VWF: variants seen among roughly 807,000 people sequenced by gnomAD.
VWF encodes Factor VIII related antigen.
Under a neutral mutation model 308.6 loss-of-function variants are expected in VWF, and 176 were observed. That is an observed-to-expected ratio of 0.57 (90% CI 0.50 to 0.65). The LOEUF (loss-of-function observed/expected upper bound fraction) is 0.65, where lower values mean the gene tolerates loss of function less well. Ranked by LOEUF, VWF falls within the 30% of genes least tolerant of loss-of-function variation. The pLI, the probability that VWF is intolerant of heterozygous loss-of-function variation, is 0.00. For missense variants in VWF, 3,146 were observed against 3,648.2 expected (o/e 0.86, Z 3.55); for synonymous variants, 1,385 against 1,443.4 (o/e 0.96, Z 0.92).
chr12:5,996,750 CAAAAAAAAAAA>C (rs61616182), intron 34 of VWF, among the ~76,000 whole-genome samples: 1 of 60,474 alleles, frequency 1.7e-5, no homozygotes, highest in East Asian at 5.1e-4. Flanking sequence ...TTTCCAGAGC[CAAAAAAAAAAA>C]AAAAAAAAAA....
At chr12:6,055,742 T>TTA (rs138745876) in intron 15 of VWF, among the ~76,000 whole-genome samples, 15,147 of 115,820 alleles carry the variant, frequency 0.13, 976 homozygotes, top group African/African-American at 0.21. Context: ...ACCATCTACT[T>TTA]TATATATATA....
intron 38 of VWF, among the ~76,000 whole-genome samples, chr12:5,986,011 G>GA (rs1168488333): frequency 6.6e-6 from 1 of 152,162 alleles, no homozygotes; most frequent in Non-Finnish European, 1.5e-5. Context: ...GTTGCTTGGG[G>GA]AAAAAAATCC....
intron 38 of VWF, among the ~76,000 whole-genome samples, chr12:5,988,152 C>G (rs1373255249): frequency 1.3e-5 from 2 of 152,176 alleles, no homozygotes; most frequent in South Asian, 4.1e-4. Context: ...AGGTGGGAAA[C>G]AGCTAACAAA....
chr12:6,039,692 A>G (rs1486868228), intron 18 of VWF, among the ~76,000 whole-genome samples: 1 of 152,212 alleles, frequency 6.6e-6, no homozygotes, highest in Non-Finnish European at 1.5e-5. Context: ...TTTCTGAAAC[A>G]GGCCCTTCTT....
chr12:5,993,181 G>A (rs141182967), intron 37 of VWF, among the ~76,000 whole-genome samples: 45 of 152,274 alleles, frequency 3.0e-4, no homozygotes, highest in East Asian at 2.5e-3. Context: ...AAAAATAGTC[G>A]AGGATTATAT....
At position 6,046,509 on chromosome 12, in the gene VWF, C is replaced by T. The variant is rs1444728996; in HGVS notation, c.2281+214G>A. Among the ~76,000 whole-genome samples, 1 of 152,250 alleles carries T rather than the reference C, an allele frequency of 6.6e-6. No individual in the cohort carries two copies. The highest frequency in any genetic ancestry group is 1.5e-5 in the Non-Finnish European group (1 of 68,048). ...CTTACACGAAATCAAATACTCCTTG[C>T]CTCAATGGTCGGGATTGACACATGC... On this transcript the variant is annotated intron_variant, in intron 17 of 51. Transcript: ENST00000261405. This position sits in a 1 kb window ranked among gnomAD's most constrained non-coding sequence, Gnocchi z 5.0.
intron 40 of VWF, 96 bp downstream of exon 40, chr12:5,984,949 G>T: frequency 2.2e-6 from 3 of 1,340,148 alleles, no homozygotes; most frequent in South Asian, 1.2e-5. Flanking sequence ...CACACACCCT[G>T]TGCCTGAGAA....
intron 6 of VWF, among the ~76,000 whole-genome samples, chr12:6,090,602 A>ACTC (rs71064185): frequency 3.4e-4 from 49 of 145,458 alleles, no homozygotes; most frequent in African/African-American, 1.0e-3. Context: ...GCTAACAACA[A>ACTC]CTCCTCCTCC....
chr12:5,992,240 G>C (rs1362510753), intron 37 of VWF, among the ~76,000 whole-genome samples: 1 of 152,234 alleles, frequency 6.6e-6, no homozygotes, highest in African/African-American at 2.4e-5. Flanking sequence ...TTGCAGCTAA[G>C]TGTAGTCACA....
At chr12:6,114,419 T>A (rs73266876) in intron 3 of VWF, among the ~76,000 whole-genome samples, 2,344 of 152,212 alleles carry the variant, frequency 0.015, 63 homozygotes, top group African/African-American at 0.052. Flanking sequence ...TATAAGTTTG[T>A]AAAGTAAGGC....
chr12:6,079,492 C>T (rs1944882187), intron 6 of VWF, among the ~76,000 whole-genome samples: 1 of 152,104 alleles, frequency 6.6e-6, no homozygotes, highest in Non-Finnish European at 1.5e-5. Flanking sequence ...CACCTGTAGT[C>T]CCAGCTATTC....
Position 6,019,763 on chromosome 12 carries a change from A to C in VWF, c.3675-20T>G. ...CAGTGGCTGCAGAAAAGAGCGAAGA[A>C]ATTAAAATGGTTCAGGAAGAACCTG... On this transcript the variant is annotated intron_variant, in intron 27 of 51. Coordinates refer to ENST00000261405, the MANE Select transcript of VWF (RefSeq NM_000552.5). This position sits in a 1 kb window ranked among gnomAD's most constrained non-coding sequence, Gnocchi z 5.8. 6.2e-7 allele frequency: 1 copy of C among 1,601,000 alleles called. No individual in the cohort carries two copies. The highest frequency in any genetic ancestry group is 8.5e-7 in the Non-Finnish European group (1 of 1,174,424).
chr12:5,987,071 G>T (rs1272595708), intron 38 of VWF, among the ~76,000 whole-genome samples: 1 of 152,094 alleles, frequency 6.6e-6, no homozygotes, highest in East Asian at 1.9e-4. Context: ...GGGACTATAG[G>T]CATGTGCCAC....
intron 6 of VWF, among the ~76,000 whole-genome samples, chr12:6,080,126 G>A (rs1401711577): frequency 6.6e-6 from 1 of 152,138 alleles, no homozygotes; most frequent in Non-Finnish European, 1.5e-5. Flanking sequence ...TGCCGAGTTA[G>A]GTGTTCTCAC....
chr12:6,089,438 A>C (rs946195233), intron 6 of VWF, among the ~76,000 whole-genome samples: 1 of 152,168 alleles, frequency 6.6e-6, no homozygotes, highest in African/African-American at 2.4e-5. Context: ...TGTTCCCAGG[A>C]CACTGGTTAG....
chr12:5,985,582 C>T lies in VWF; in HGVS notation c.6882G>A (p.Gln2294=). The change falls in exon 39 of 52, where the codon CAG becomes CAA. Residue 2294 remains glutamine, a synonymous_variant. Transcript: ENST00000261405. ...LSGRKVNCTT[Q]PCPTAKAPTC... is the part of the protein sequence containing the mutation. ...TCTCACCTTTGGCCGTGGGGCAGGG[C>T]TGCGTTGTGCAGTTGACCTTCCGCC... The T allele has an allele frequency of 1.2e-6, 2 of 1,614,062 alleles. No homozygotes were observed. The highest frequency in any genetic ancestry group is 1.7e-6 in the Non-Finnish European group (2 of 1,180,026).
intron 20 of VWF, among the ~76,000 whole-genome samples, chr12:6,031,789 G>A (rs1464477526): frequency 6.9e-6 from 1 of 145,358 alleles, no homozygotes; most frequent in Non-Finnish European, 1.5e-5. Flanking sequence ...GCCCACGACA[G>A]ATGAGCCAGG....
At chr12:6,040,663 C>T (rs553696153) in intron 18 of VWF, among the ~76,000 whole-genome samples, 16 of 152,334 alleles carry the variant, frequency 1.1e-4, no homozygotes, top group Non-Finnish European at 2.4e-4. Flanking sequence ...CGTTTCCAGG[C>T]GGTTTCTCTG....
At chr12:6,045,787 T>C (rs770783464) in intron 17 of VWF, among the ~76,000 whole-genome samples, 4 of 152,162 alleles carry the variant, frequency 2.6e-5, no homozygotes, top group Non-Finnish European at 5.9e-5. Flanking sequence ...AAGATAGCCA[T>C]TTATCTCTCT....
Sources: allele counts gnomAD v4.1 joint callset (sites outside exome capture counted in the v4.1 genomes callset), GRCh38; gene constraint gnomAD v4.1.1; non-coding constraint Gnocchi (gnomAD v3.1); transcripts MANE v1.5; gene names NCBI Gene and HGNC (gene_info 2026-07-23, HGNC 2026-07-21).